Variants in MGAM observed in about 807,000 individuals in gnomAD.
MGAM encodes maltase-glucoamylase, also known as alpha-1,4-glucosidase.
In MGAM, 253 loss-of-function variants were observed where a neutral mutation model predicts 358.8. The ratio of observed to expected loss-of-function variants is 0.71; its 90% CI spans 0.64 to 0.78. The LOEUF (loss-of-function observed/expected upper bound fraction) is 0.78. Among genes scored for constraint, MGAM ranks in the 30% least tolerant of loss-of-function variants. MGAM has a pLI of 0.00. For synonymous variants in MGAM, 1,105 were observed against 1,227.1 expected (o/e 0.90, Z 2.08); for missense variants, 3,080 against 3,432.6 (o/e 0.90, Z 2.57).
rs782749206 is a variant in MGAM at position 142,036,294 on chromosome 7, C to T, written c.2076+9C>T. On this transcript the variant is annotated intron_variant, in intron 17 of 70. Coordinates refer to ENST00000475668, the MANE Select transcript of MGAM (RefSeq NM_001365693.1). ...ATGGCCAAGGCTACAAGGTAAGGCT[C>T]CTAGGACATAGAGTCAGAATAAATT... The T allele has an allele frequency of 1.9e-6, 3 of 1,579,198 alleles. No homozygotes were observed. The highest frequency in any genetic ancestry group is 3.6e-5 in the Admixed American group (2 of 56,330).
chr7:142,046,531 G>T (rs551033645), intron 21 of MGAM, among the ~76,000 whole-genome samples: 1 of 152,090 alleles, frequency 6.6e-6, no homozygotes, highest in East Asian at 1.9e-4. Context: ...CTCTACCTTG[G>T]ATCACTAGGC....
intron 21 of MGAM, among the ~76,000 whole-genome samples, chr7:142,042,126 T>C (rs1444651265): frequency 1.5e-5 from 1 of 68,660 alleles, no homozygotes; most frequent in East Asian, 4.8e-4. Flanking sequence ...ATATAATATA[T>C]ATACATATAA....
At chr7:141,996,116 G>A (rs1411605361) in intron 1 of MGAM, among the ~76,000 whole-genome samples, 186 bp downstream of exon 1, 2 of 151,896 alleles carry the variant, frequency 1.3e-5, no homozygotes, top group Admixed American at 6.6e-5. Context: ...CGAGACCATG[G>A]TGAAACCCCA....
intron 2 of MGAM, among the ~76,000 whole-genome samples, chr7:141,989,646 C>T (rs2128969233): frequency 6.6e-6 from 1 of 151,774 alleles, no homozygotes; most frequent in East Asian, 1.9e-4. Context: ...GCCTCAAACT[C>T]CTGGGCTCAA....
At chr7:142,015,190 T>C (rs1328408801) in intron 3 of MGAM, among the ~76,000 whole-genome samples, 3 of 152,152 alleles carry the variant, frequency 2.0e-5, no homozygotes, top group African/African-American at 7.2e-5. Context: ...TTTCTGTGAA[T>C]TTTTCTGTCT....
chr7:142,069,378 G>A (rs1399246473), intron 43 of MGAM, among the ~76,000 whole-genome samples: 1 of 145,910 alleles, frequency 6.9e-6, no homozygotes, highest in Admixed American at 6.9e-5. Flanking sequence ...CTCTGGGGTG[G>A]TGGGCTCTTG....
intron 65 of MGAM, 124 bp from the exon 66 acceptor site, chr7:142,097,469 T>G: frequency 5.6e-6 from 5 of 892,014 alleles, no homozygotes; most frequent in Non-Finnish European, 9.1e-6. Flanking sequence ...ATAGGTGACC[T>G]CCTGGGACAT....
intron 35 of MGAM, 116 bp from the exon 36 acceptor site, chr7:142,063,383 T>C: frequency 2.5e-6 from 3 of 1,219,236 alleles, no homozygotes; most frequent in East Asian, 2.5e-5. Context: ...CTCCCAGGGC[T>C]GGCATCTACA....
chr7:142,083,211 G>C, intron 52 of MGAM, 90 bp from the exon 53 acceptor site: 3 of 998,856 alleles, frequency 3.0e-6, no homozygotes, highest in Non-Finnish European at 4.5e-6. Context: ...ACGATAGGGA[G>C]GGTGCAGGAA....
Position 142,030,508 on chromosome 7 carries a change from C to T in MGAM, c.1353+15C>T. The T allele has an allele frequency of 6.2e-7, 1 of 1,613,296 alleles. No individual in the cohort carries two copies. Among genetic ancestry groups the T allele is most frequent in the Non-Finnish European group, 8.5e-7 (1 of 1,179,492 alleles). On this transcript the variant is annotated intron_variant, in intron 11 of 70. Coordinates refer to ENST00000475668, the MANE Select transcript of MGAM (RefSeq NM_001365693.1). ...TCATCATTGTGGTATGTACTGCCCT[C>T]TTTCCACCAAATTAGGTATTTGCTC... is the stretch of plus-strand genomic sequence containing the variant.
At chr7:142,030,177 C>A (rs1162970244) in intron 10 of MGAM, 185 bp from the exon 11 acceptor site, 6 of 643,058 alleles carry the variant, frequency 9.3e-6, no homozygotes, top group Middle Eastern at 4.5e-4. Context: ...CCTAGGGAAC[C>A]AACCAGTCGT....
At chr7:142,028,890 G>T (rs868955311) in intron 10 of MGAM, among the ~76,000 whole-genome samples, 1 of 152,022 alleles carries the variant, frequency 6.6e-6, no homozygotes, top group Non-Finnish European at 1.5e-5. Context: ...TTATGCATGT[G>T]GGGGTGGGTT....
chr7:142,076,628 T>G, intron 46 of MGAM, 31 bp from the exon 47 acceptor site: 1 of 1,472,782 alleles, frequency 6.8e-7, no homozygotes. Context: ...AGGCATACCT[T>G]TATGCATAAT....
chr7:142,044,516 TATATTATACACTTAC>T (rs1809730594), intron 21 of MGAM, among the ~76,000 whole-genome samples: 1 of 90,712 alleles, frequency 1.1e-5, no homozygotes, highest in Non-Finnish European at 2.4e-5. Context: ...ATATATAATG[TATATTATACACTTAC>T]GATATATGAT....
chr7:142,036,584 A>C (rs555047501), intron 17 of MGAM, among the ~76,000 whole-genome samples: 1 of 152,304 alleles, frequency 6.6e-6, no homozygotes, highest in Non-Finnish European at 1.5e-5. Flanking sequence ...ACAAGGAAAT[A>C]CTTCAAAATT....
intron 1 of MGAM, among the ~76,000 whole-genome samples, chr7:142,003,792 A>G (rs782127046): frequency 9.9e-5 from 15 of 151,920 alleles, no homozygotes; most frequent in Non-Finnish European, 2.2e-4. Context: ...ATTTGCAAAC[A>G]GTGTATCTGA....
rs562407481 is a variant in MGAM at position 142,090,359 on chromosome 7, CA to C, written c.6811-1553del. On this transcript the variant is annotated intron_variant, in intron 57 of 70. Coordinates refer to ENST00000475668, the MANE Select transcript of MGAM (RefSeq NM_001365693.1). Reference sequence around the variant, plus strand: ...CTCTTTATTCTAATTCTCCATCCCCCACCCATCCCGTCGTTTCTAACCCTTC... The same window carrying C: ...CTCTTTATTCTAATTCTCCATCCCCCCCCATCCCGTCGTTTCTAACCCTTC... Among the ~76,000 whole-genome samples the C allele has an allele frequency of 1.4e-5, 2 of 145,628 alleles. 1 individual carries two copies. Among genetic ancestry groups the C allele is most frequent in the Non-Finnish European group, 3.1e-5 (2 of 64,272 alleles).
In MGAM at chr7:142,091,698, G is replaced by A. The variant is rs192102471; in HGVS notation, c.6811-215G>A. Among the ~76,000 whole-genome samples the A allele has an allele frequency of 3.9e-4, 57 of 146,176 alleles. 5 individuals carry two copies. In the East Asian group the frequency reaches 0.011, roughly 28 times the overall value. On this transcript the variant is annotated intron_variant, in intron 57 of 70. Coordinates refer to ENST00000475668, the MANE Select transcript of MGAM (RefSeq NM_001365693.1). ...TGTATATATGAAGAGAACAGTTTTT[G>A]GATGTTTTCCAAATGCCGGGAAGGT...
intron 60 of MGAM, 88 bp from the exon 61 acceptor site, chr7:142,094,276 C>A: frequency 7.1e-7 from 1 of 1,415,896 alleles, no homozygotes; most frequent in Non-Finnish European, 9.6e-7. Flanking sequence ...CAAACATTGA[C>A]TAGGCTCAAG....
Sources: gnomAD v4.1 joint callset for allele counts (sites outside exome capture counted in the v4.1 genomes callset) on GRCh38, gnomAD v4.1.1 for gene constraint, MANE v1.5 for transcripts, NCBI Gene and HGNC (gene_info 2026-07-23, HGNC 2026-07-21) for gene names.